Variants in CHM observed in about 807,000 individuals in gnomAD.
CHM encodes rab proteins geranylgeranyltransferase component A 1.
CHM carries 10 observed loss-of-function variants against 49.0 expected under a neutral mutation model. That is an observed-to-expected ratio of 0.20 (90% confidence interval 0.13 to 0.35). CHM has a LOEUF of 0.35. Ranked by LOEUF, CHM falls within the 10% of genes least tolerant of loss-of-function variation. The probability of loss-of-function intolerance (pLI) is 1.00; values close to 1 mark genes in which losing one functional copy is unlikely to be tolerated. For missense variants in CHM, 455 were observed against 478.4 expected, an observed-to-expected ratio of 0.95 and a Z score of 0.46; for synonymous variants, 184 against 167.5, an observed-to-expected ratio of 1.10 and a Z score of -0.76.
intron 4 of CHM, among the ~76,000 whole-genome samples, chrX:85,976,732 G>T (rs1398698658): frequency 9.0e-6 from 1 of 110,843 alleles, no homozygotes; most frequent in Non-Finnish European, 1.9e-5. Flanking sequence ...ACTCAAAATA[G>T]AGACATCCCT....
At chrX:85,906,937 T>C (rs919934221) in intron 9 of CHM, among the ~76,000 whole-genome samples, 1 of 111,144 alleles carries the variant, frequency 9.0e-6, no homozygotes, top group African/African-American at 3.3e-5. Flanking sequence ...AGTTCGAGAC[T>C]GCCCTGACAA....
intron 2 of CHM, among the ~76,000 whole-genome samples, chrX:86,001,393 T>G (rs1293412380): frequency 9.0e-6 from 1 of 111,056 alleles, no homozygotes; most frequent in Non-Finnish European, 1.9e-5. Context: ...ATTAGGGAGT[T>G]CTTGCATTGC....
At chrX:86,010,229 A>G (rs1933010351) in intron 2 of CHM, among the ~76,000 whole-genome samples, 1 of 97,586 alleles carries the variant, frequency 1.0e-5, no homozygotes, top group Non-Finnish European at 2.1e-5. Context: ...GAGGAGGGAT[A>G]GTGTTAGGAG....
At chrX:86,040,307 C>T (rs1934409953) in intron 1 of CHM, among the ~76,000 whole-genome samples, 1 of 112,417 alleles carries the variant, frequency 8.9e-6, no homozygotes, top group Admixed American at 9.4e-5. Context: ...CCTGCACCCA[C>T]TCAACTGCAC....
chrX:85,930,268 T>A (rs1167082093), intron 8 of CHM, among the ~76,000 whole-genome samples: 2 of 111,157 alleles, frequency 1.8e-5, no homozygotes, highest in African/African-American at 6.6e-5. Context: ...AACAGACACA[T>A]GAACCACTCC....
intron 2 of CHM, among the ~76,000 whole-genome samples, chrX:86,021,155 T>C (rs1400141202): frequency 3.9e-4 from 20 of 50,909 alleles, no homozygotes; most frequent in South Asian, 1.7e-3. Context: ...TATATATATA[T>C]ATACACGTAT....
rs73506404 is a variant in CHM at position 85,905,432 on chromosome X, T to C, written c.1245-4244A>G. Among the ~76,000 whole-genome samples the C allele has an allele frequency of 3.8e-3, 420 of 111,551 alleles. 4 individuals are homozygous for C. Among genetic ancestry groups the C allele is most frequent in the African/African-American group, 0.013 (398 of 30,695 alleles). Reference sequence around the variant, plus strand: ...GTTCTAAGAGGTAAGAATAAAAATGTTTTGCCCTAAAGGACAAGATTCAGA... The same window carrying C: ...GTTCTAAGAGGTAAGAATAAAAATGCTTTGCCCTAAAGGACAAGATTCAGA... On this transcript the variant is annotated intron_variant, in intron 9 of 14. Transcript: ENST00000357749.
chrX:85,900,448 A>G (rs1052374750), intron 11 of CHM, among the ~76,000 whole-genome samples, 198 bp downstream of exon 11: 3 of 111,495 alleles, frequency 2.7e-5, no homozygotes, highest in African/African-American at 9.8e-5. Flanking sequence ...ACAGTACAAG[A>G]CTACAGTTAA....
chrX:85,891,928 C>T (rs1176666228), intron 12 of CHM, among the ~76,000 whole-genome samples: 1 of 112,082 alleles, frequency 8.9e-6, no homozygotes, highest in Non-Finnish European at 1.9e-5. Flanking sequence ...TGGGAACCCA[C>T]CTCTTGTATC....
chrX:85,941,344 C>T (rs1242358175), intron 8 of CHM, among the ~76,000 whole-genome samples: 2 of 111,545 alleles, frequency 1.8e-5, no homozygotes, highest in Non-Finnish European at 3.8e-5. Flanking sequence ...CCCAGATCTA[C>T]AAGTAAGAAA....
At chrX:85,928,270 C>A (rs1005401364) in intron 8 of CHM, among the ~76,000 whole-genome samples, 1 of 111,993 alleles carries the variant, frequency 8.9e-6, no homozygotes, top group African/African-American at 3.2e-5. Flanking sequence ...GGGCCGGGCG[C>A]GGTGGCTCAG....
At chrX:85,947,570 A>G (rs1929484377) in intron 8 of CHM, among the ~76,000 whole-genome samples, 1 of 111,636 alleles carries the variant, frequency 9.0e-6, no homozygotes, top group East Asian at 2.8e-4. Context: ...CAGAACCATG[A>G]GCCAATTACG....
chrX:85,894,059 A>G (rs1276114025), intron 12 of CHM, 129 bp downstream of exon 12: 31 of 499,477 alleles, frequency 6.2e-5, no homozygotes, highest in Non-Finnish European at 9.5e-5. Context: ...CATCTTTTAT[A>G]TAAACAAAAA....
intron 9 of CHM, among the ~76,000 whole-genome samples, chrX:85,910,732 T>C (rs907721206): frequency 1.8e-5 from 2 of 110,860 alleles, no homozygotes; most frequent in African/African-American, 3.3e-5. Flanking sequence ...TCTCTTGGAG[T>C]GACATGCATT....
Position 86,047,523 on chromosome X carries a change from T to C in CHM, c.10A>G (p.Thr4Ala), listed in dbSNP as rs746300399. The C allele has an allele frequency of 7.4e-5, 89 of 1,204,119 alleles. No individual in the cohort carries two copies. The highest frequency in any genetic ancestry group is 9.2e-5 in the Non-Finnish European group (82 of 891,695). ...ATCACATCAAACTCCGAAGGGAGAG[T>C]ATCCGCCATCTTGACGGGAAACGTG... is the stretch of plus-strand genomic sequence containing the variant. Reference protein sequence around the residue: MADTLPSEFDVIVI... With the variant: MADALPSEFDVIVI... Residue 4 changes from threonine (T) to alanine (A), a missense_variant, in exon 1 of 15, where the codon ACT becomes GCT. Thr to Ala is a moderately conservative substitution (Grantham distance 58, BLOSUM62 0). Transcript: ENST00000357749.
At chrX:85,961,855 C>A (rs1352048749) in intron 5 of CHM, among the ~76,000 whole-genome samples, 1 of 110,986 alleles carries the variant, frequency 9.0e-6, no homozygotes, top group East Asian at 2.8e-4. Context: ...GATGAAAATA[C>A]CCAGAAGTCT....
intron 2 of CHM, among the ~76,000 whole-genome samples, chrX:86,010,224 G>A (rs1172449911): frequency 1.0e-5 from 1 of 96,696 alleles, no homozygotes; most frequent in African/African-American, 3.8e-5. Flanking sequence ...GGCTGGAGGA[G>A]GGATAGTGTT....
At chrX:86,044,674 G>A (rs187734504) in intron 1 of CHM, among the ~76,000 whole-genome samples, 1 of 111,533 alleles carries the variant, frequency 9.0e-6, no homozygotes, top group East Asian at 2.8e-4. Context: ...CCACAAAACT[G>A]TCATTTAAAT....
chrX:85,952,291 G>T (rs1488550776), intron 8 of CHM, among the ~76,000 whole-genome samples: 1 of 110,850 alleles, frequency 9.0e-6, no homozygotes, highest in East Asian at 2.9e-4. Context: ...GCAGCTCACA[G>T]CAACGAAGGT....
Sources: allele counts gnomAD v4.1 joint callset (sites outside exome capture counted in the v4.1 genomes callset), GRCh38; gene constraint gnomAD v4.1.1; transcripts MANE v1.5; gene names NCBI Gene and HGNC (gene_info 2026-07-23, HGNC 2026-07-21).